FOXP1: variants seen among roughly 807,000 people sequenced by gnomAD.
FOXP1 encodes the protein forkhead box P1, also known as forkhead box protein P1.
In FOXP1, 15 loss-of-function variants were observed where a neutral mutation model predicts 98.2. The observed-to-expected ratio is 0.15, with a 90% confidence interval of 0.10 to 0.24. The LOEUF is 0.24. FOXP1 is among the 10% of genes least tolerant of loss of function. FOXP1 has a pLI of 1.00. For synonymous variants in FOXP1, 371 were observed against 314.5 expected (o/e 1.18, Z -1.90); for missense variants, 633 against 848.5 (o/e 0.75, Z 3.15).
chr3:71,454,846 C>A (rs986677129), intron 3 of FOXP1, among the ~76,000 whole-genome samples: 1 of 151,914 alleles, frequency 6.6e-6, no homozygotes, highest in Admixed American at 6.6e-5. Context: ...TCTCTCAGAC[C>A]CACTGAATTA....
intron 3 of FOXP1, among the ~76,000 whole-genome samples, chr3:71,466,165 T>C (rs931911461): frequency 6.6e-6 from 1 of 152,148 alleles, no homozygotes; most frequent in Non-Finnish European, 1.5e-5. Context: ...ATCCTAAGCC[T>C]GCCCCAGACC....
chr3:71,494,859 A>C (rs1199270673), intron 2 of FOXP1, among the ~76,000 whole-genome samples: 2 of 152,006 alleles, frequency 1.3e-5, no homozygotes, highest in African/African-American at 4.8e-5. Context: ...TTTGAGATCC[A>C]AGAAGTACTT....
chr3:71,159,309 AG>A (rs1440977669), intron 6 of FOXP1, among the ~76,000 whole-genome samples: 4 of 152,082 alleles, frequency 2.6e-5, no homozygotes, highest in African/African-American at 9.7e-5. Flanking sequence ...CTCCGAGGAA[AG>A]GTTAAAAGGG....
intron 3 of FOXP1, among the ~76,000 whole-genome samples, chr3:71,489,130 G>A (rs549677334): frequency 7.9e-5 from 12 of 152,100 alleles, no homozygotes; most frequent in Admixed American, 2.0e-4. Flanking sequence ...AACCGGTCAC[G>A]GAAAGTCCAT....
intron 12 of FOXP1, among the ~76,000 whole-genome samples, chr3:71,011,319 A>G (rs972293807): frequency 2.0e-5 from 3 of 152,128 alleles, no homozygotes; most frequent in African/African-American, 4.8e-5. Flanking sequence ...GCCAGGGCAC[A>G]TCATGGTGAT....
At chr3:71,167,098 T>A (rs1017400733) in intron 6 of FOXP1, among the ~76,000 whole-genome samples, 1 of 151,778 alleles carries the variant, frequency 6.6e-6, no homozygotes, top group African/African-American at 2.4e-5. Context: ...CCAGCCAAAT[T>A]TGATCAACAA....
chr3:71,516,060 T>C (rs371079422), intron 2 of FOXP1, among the ~76,000 whole-genome samples: 51 of 152,258 alleles, frequency 3.3e-4, no homozygotes, highest in African/African-American at 1.1e-3. Flanking sequence ...TGATCCTGGA[T>C]TGGATTCTGG....
chr3:71,453,039 C>T (rs578158640), intron 3 of FOXP1, among the ~76,000 whole-genome samples: 4 of 152,250 alleles, frequency 2.6e-5, no homozygotes, highest in Admixed American at 2.6e-4. Flanking sequence ...CTTCTCACCC[C>T]ATCTGCTTAA....
In FOXP1 at chr3:71,396,968, G is replaced by A. The variant is rs1415521638; in HGVS notation, c.-167-37724C>T. 4.5e-4 allele frequency among the ~76,000 whole-genome samples: 9 copies of A among 19,944 alleles called. 1 individual carries two copies. The highest frequency in any genetic ancestry group is 8.8e-4 in the East Asian group (3 of 3,394). The allele number at this position is 19,944 out of a possible 152,430, so 13.1% of individuals were successfully genotyped here. On this transcript the variant is annotated intron_variant, in intron 3 of 20. Transcript: ENST00000649528. ...TATATGTGTATATATATATATGTGT[G>A]TATATATATATATGTGTATATATAT... is the stretch of plus-strand genomic sequence containing the variant.
At chr3:71,558,125 A>G (rs1282854713) in intron 2 of FOXP1, among the ~76,000 whole-genome samples, 1 of 152,172 alleles carries the variant, frequency 6.6e-6, no homozygotes, top group East Asian at 1.9e-4. Flanking sequence ...CAGTGTATGC[A>G]CAGCCTCCTC....
intron 3 of FOXP1, among the ~76,000 whole-genome samples, chr3:71,438,981 T>C (rs1230311425): frequency 6.6e-6 from 1 of 151,952 alleles, no homozygotes; most frequent in Non-Finnish European, 1.5e-5. Context: ...GCCTTAAGGT[T>C]GGAGCTACAA....
intron 4 of FOXP1, chr3:71,332,778 G>A (rs565286001): frequency 1.7e-4 from 26 of 152,358 alleles, no homozygotes; most frequent in African/African-American, 5.8e-4. Flanking sequence ...GTGTCACTTT[G>A]AACACTGTAA....
At chr3:71,063,234 A>G (rs1476644852) in intron 7 of FOXP1, among the ~76,000 whole-genome samples, 3 of 152,272 alleles carry the variant, frequency 2.0e-5, no homozygotes, top group African/African-American at 7.2e-5. Flanking sequence ...GAATCACATA[A>G]AACAGATATA....
chr3:71,375,973 G>C (rs937596518), intron 3 of FOXP1, among the ~76,000 whole-genome samples: 2 of 152,108 alleles, frequency 1.3e-5, no homozygotes, highest in African/African-American at 4.8e-5. Flanking sequence ...ATGATTTGGG[G>C]TTCTGATGTA....
intron 2 of FOXP1, among the ~76,000 whole-genome samples, chr3:71,519,650 C>T (rs1438811971): frequency 6.6e-6 from 1 of 152,130 alleles, no homozygotes; most frequent in Admixed American, 6.6e-5. Flanking sequence ...TATTCCTTGC[C>T]CCCATGCCAA....
chr3:70,971,143 T>TC, intron 18 of FOXP1: 1 of 352,506 alleles, frequency 2.8e-6, no homozygotes, highest in South Asian at 2.4e-5. Flanking sequence ...GCCTAGGAGG[T>TC]CGTGCTGGGG....
At position 71,057,121 on chromosome 3, in the gene FOXP1, AGAGTGCTTTAGCACT is replaced by A. The variant is rs1411480938; in HGVS notation, c.283-3363_283-3349del. 2.6e-5 allele frequency among the ~76,000 whole-genome samples: 4 copies of A among 152,258 alleles called. No individual in the cohort carries two copies. In the East Asian group the frequency reaches 7.7e-4, roughly 29 times the overall value. On this transcript the variant is annotated intron_variant, in intron 7 of 20. Coordinates refer to ENST00000649528, the MANE Select transcript of FOXP1 (RefSeq NM_001349338.3). ...GAAAGCGGCTAAAGGCACACAAGAG[AGAGTGCTTTAGCACT>A]GAGAAATATGGCCAAAGCTTCAAAA... is the stretch of plus-strand genomic sequence containing the variant.
chr3:71,428,092 C>A (rs895150523), intron 3 of FOXP1, among the ~76,000 whole-genome samples: 1 of 152,134 alleles, frequency 6.6e-6, no homozygotes, highest in Non-Finnish European at 1.5e-5. Flanking sequence ...AGCTTTTAAT[C>A]AAGTTGATAA....
In FOXP1 at chr3:71,204,246, G is replaced by A. The variant is rs370634285; in HGVS notation, c.-11-5854C>T. Among the ~76,000 whole-genome samples the A allele has an allele frequency of 3.3e-5, 5 of 152,160 alleles. No individual in the cohort carries two copies. In the East Asian group the frequency reaches 7.7e-4, roughly 23 times the overall value. The stretch of plus-strand genomic sequence containing the variant: ...CAACCTGTCTATATTATGATATAAA[G>A]CATACATTTAGTTCTGGTTCTCATC... On this transcript the variant is annotated intron_variant, in intron 5 of 20. Coordinates refer to ENST00000649528, the MANE Select transcript of FOXP1 (RefSeq NM_001349338.3).
Sources: gnomAD v4.1 joint callset for allele counts (sites outside exome capture counted in the v4.1 genomes callset) on GRCh38, gnomAD v4.1.1 for gene constraint, MANE v1.5 for transcripts, NCBI Gene and HGNC (gene_info 2026-07-23, HGNC 2026-07-21) for gene names.